Variants in FBLN7 observed in about 807,000 individuals in gnomAD.
The protein encoded by FBLN7 is fibulin-7.
A neutral mutation model predicts 44.0 loss-of-function variants in FBLN7; 31 were observed. The ratio of observed to expected loss-of-function variants is 0.70; its 90% CI spans 0.53 to 0.95. The LOEUF is 0.95. Among genes scored for constraint, FBLN7 ranks in the 40% least tolerant of loss-of-function variants. The pLI is 0.00. For missense variants in FBLN7, 573 were observed against 618.5 expected (o/e 0.93, Z 0.78); for synonymous variants, 262 against 253.4 (o/e 1.03, Z -0.32).
At chr2:112,194,015 A>G in the FBLN7 span, among the ~76,000 whole-genome samples, 1 of 152,238 alleles carries the variant, frequency 6.6e-6, no homozygotes, top group Non-Finnish European at 1.5e-5. Flanking sequence ...TCGGTGGGCC[A>G]GTAGTTCAGA....
At chr2:112,212,341 A>G in the FBLN7 span, 1 of 152,238 alleles carries the variant, frequency 6.6e-6, no homozygotes, top group Non-Finnish European at 1.5e-5. Context: ...GGTCGAATAC[A>G]TTCAGTGTCT....
At chr2:112,219,379 AT>A in the FBLN7 span, among the ~76,000 whole-genome samples, 1 of 152,230 alleles carries the variant, frequency 6.6e-6, no homozygotes, top group Non-Finnish European at 1.5e-5. Context: ...GGATCTCCTC[AT>A]GCAAAACAGT....
chr2:112,213,774 T>TA, the FBLN7 span: 1 of 13,496 alleles, frequency 7.4e-5, no homozygotes, highest in African/African-American at 3.8e-4. Context: ...AGACTCCGTC[T>TA]CAAAAAAAAA....
At chr2:112,241,667 A>G in the FBLN7 span, among the ~76,000 whole-genome samples, 5 of 152,220 alleles carry the variant, frequency 3.3e-5, no homozygotes, top group Non-Finnish European at 5.9e-5. Context: ...ACTAACACAA[A>G]TCACAGATAT....
intron 1 of FBLN7, among the ~76,000 whole-genome samples, chr2:112,145,128 C>T (rs1287763901): frequency 3.4e-4 from 51 of 152,154 alleles, no homozygotes; most frequent in Admixed American, 3.3e-3. Flanking sequence ...TGTTTTTCTC[C>T]AAGTCATTCT....
At chr2:112,168,607 A>C (rs1344076027) in intron 3 of FBLN7, among the ~76,000 whole-genome samples, 1 of 152,192 alleles carries the variant, frequency 6.6e-6, no homozygotes, top group Non-Finnish European at 1.5e-5. Flanking sequence ...GGAGGGAGAA[A>C]TAGTGCTCCT....
the FBLN7 span, among the ~76,000 whole-genome samples, chr2:112,242,356 G>C: frequency 6.6e-6 from 1 of 152,090 alleles, no homozygotes; most frequent in African/African-American, 2.4e-5. Flanking sequence ...AATTTTATTG[G>C]AACATAGGCA....
At chr2:112,188,898 C>T (rs1683389535), downstream of FBLN7, 1 of 152,230 alleles carries the variant, frequency 6.6e-6, no homozygotes, top group Non-Finnish European at 1.5e-5. Flanking sequence ...TACAAGACTT[C>T]ATTAAAACAT....
the FBLN7 span, chr2:112,215,341 A>AGATG: frequency 6.6e-6 from 1 of 152,342 alleles, no homozygotes; most frequent in East Asian, 1.9e-4. Flanking sequence ...GGGCACTGAG[A>AGATG]GATGACTTGC....
At chr2:112,143,667 C>T (rs1283101931) in intron 1 of FBLN7, among the ~76,000 whole-genome samples, 2 of 152,170 alleles carry the variant, frequency 1.3e-5, no homozygotes, top group South Asian at 2.1e-4. Context: ...GAAGTCACAC[C>T]TACTACCCAC....
intron 1 of FBLN7, among the ~76,000 whole-genome samples, chr2:112,142,040 C>A (rs1401540377): frequency 6.6e-6 from 1 of 152,170 alleles, no homozygotes; most frequent in Non-Finnish European, 1.5e-5. Context: ...AAAGAGATTG[C>A]CCATAGATGG....
the FBLN7 span, among the ~76,000 whole-genome samples, chr2:112,236,121 G>A: frequency 3.3e-5 from 5 of 151,790 alleles, no homozygotes; most frequent in Non-Finnish European, 7.4e-5. Context: ...AAAATTAGCC[G>A]GGCATGGTGG....
At chr2:112,243,044 A>C in the FBLN7 span, among the ~76,000 whole-genome samples, 37 of 152,378 alleles carry the variant, frequency 2.4e-4, no homozygotes, top group African/African-American at 8.9e-4. Context: ...GAGCTTCATC[A>C]GACAATTTAA....
the FBLN7 span, among the ~76,000 whole-genome samples, chr2:112,201,331 G>A: frequency 6.6e-6 from 1 of 152,210 alleles, no homozygotes; most frequent in African/African-American, 2.4e-5. Flanking sequence ...CCACACCACA[G>A]CCTTGTCACA....
At chr2:112,149,705 T>G (rs1681058575) in intron 1 of FBLN7, among the ~76,000 whole-genome samples, 1 of 152,208 alleles carries the variant, frequency 6.6e-6, no homozygotes, top group South Asian at 2.1e-4. Flanking sequence ...CTTCAGTAAC[T>G]GCCTGAAACC....
At chr2:112,147,406 A>G (rs1454025520) in intron 1 of FBLN7, among the ~76,000 whole-genome samples, 1 of 152,216 alleles carries the variant, frequency 6.6e-6, no homozygotes, top group African/African-American at 2.4e-5. Flanking sequence ...TCCATAATCC[A>G]CTACAGAGCC....
chr2:112,232,811 G>T, the FBLN7 span, among the ~76,000 whole-genome samples: 2 of 152,164 alleles, frequency 1.3e-5, no homozygotes, highest in African/African-American at 4.8e-5. Context: ...TTTACAACTT[G>T]TCTGTGCCAT....
chr2:112,145,577 A>AT (rs1558869011), intron 1 of FBLN7, among the ~76,000 whole-genome samples: 1 of 152,136 alleles, frequency 6.6e-6, no homozygotes, highest in Non-Finnish European at 1.5e-5. Flanking sequence ...TAGTTTATCA[A>AT]TTTTTTATTT....
At chr2:112,142,135 C>T (rs930719677) in intron 1 of FBLN7, among the ~76,000 whole-genome samples, 10 of 150,540 alleles carry the variant, frequency 6.6e-5, no homozygotes, top group South Asian at 2.1e-4. Flanking sequence ...CAACCCTGTC[C>T]GGGCAAGCGT....
Sources: gnomAD v4.1 joint callset for allele counts (sites outside exome capture counted in the v4.1 genomes callset) on GRCh38, gnomAD v4.1.1 for gene constraint, MANE v1.5 for transcripts, NCBI Gene and HGNC (gene_info 2026-07-23, HGNC 2026-07-21) for gene names.